Variants in GPC6 observed in about 807,000 individuals in gnomAD.
GPC6 encodes the protein glypican-6.
GPC6 carries 14 observed loss-of-function variants against 55.2 expected under a neutral mutation model. The ratio of observed to expected loss-of-function variants is 0.25; its 90% confidence interval spans 0.17 to 0.40. The LOEUF (loss-of-function observed/expected upper bound fraction) is 0.40, where lower values mean the gene tolerates loss of function less well. Ranked by LOEUF, GPC6 falls within the 10% of genes least tolerant of loss-of-function variation. The probability of loss-of-function intolerance (pLI) is 1.00; values close to 1 mark genes in which losing one functional copy is unlikely to be tolerated. For synonymous variants in GPC6, 278 were observed against 259.6 expected (o/e 1.07, Z -0.68); for missense variants, 641 against 708.5 (o/e 0.90, Z 1.08).
intron 1 of GPC6, among the ~76,000 whole-genome samples, chr13:93,386,175 T>C (rs1169699324): frequency 6.6e-5 from 10 of 150,606 alleles, no homozygotes; most frequent in Admixed American, 1.3e-4. Context: ...CTCTGTAATT[T>C]TGAGGGCAAG....
chr13:94,031,613 C>T (rs1024916455), intron 4 of GPC6, among the ~76,000 whole-genome samples: 9 of 152,208 alleles, frequency 5.9e-5, no homozygotes, highest in African/African-American at 2.2e-4. Flanking sequence ...CCAGGTATTG[C>T]CGTATTTTCA....
At chr13:93,724,930 G>A (rs1291126035) in intron 2 of GPC6, among the ~76,000 whole-genome samples, 1 of 151,944 alleles carries the variant, frequency 6.6e-6, no homozygotes, top group East Asian at 1.9e-4. Flanking sequence ...TGCACTCATG[G>A]ATTTAAGGTG....
intron 6 of GPC6, among the ~76,000 whole-genome samples, chr13:94,369,516 G>C (rs888391767): frequency 7.9e-5 from 12 of 152,230 alleles, no homozygotes. Context: ...CACCTCCTTA[G>C]AAAACCAAAG....
At chr13:94,180,223 C>G (rs773545220) in intron 4 of GPC6, among the ~76,000 whole-genome samples, 1 of 152,082 alleles carries the variant, frequency 6.6e-6, no homozygotes, top group East Asian at 1.9e-4. Context: ...ATCCTATGAC[C>G]GTGACATTGG....
chr13:94,099,484 C>G lies in GPC6; in HGVS notation c.877+71590C>G, dbSNP rs543094356. ...ATAGGAGACTCTATTTGCAAATGAA[C>G]AAATAGGCAATAAGCTAATCCCCCA... is the stretch of plus-strand genomic sequence containing the variant. On this transcript the variant is annotated intron_variant, in intron 4 of 8. Transcript: ENST00000377047. 2.0e-5 allele frequency among the ~76,000 whole-genome samples: 3 copies of G among 152,148 alleles called. No individual in the cohort carries two copies. The East Asian group carries it at 5.8e-4, about 29-fold the overall frequency.
At chr13:93,555,540 A>G (rs757036504) in intron 2 of GPC6, among the ~76,000 whole-genome samples, 8 of 152,204 alleles carry the variant, frequency 5.3e-5, no homozygotes, top group Non-Finnish European at 7.3e-5. Context: ...CTTAGGGTCC[A>G]TAAACCTGGA....
At chr13:94,356,739 T>C (rs1293817112) in intron 6 of GPC6, among the ~76,000 whole-genome samples, 1 of 151,974 alleles carries the variant, frequency 6.6e-6, no homozygotes, top group Non-Finnish European at 1.5e-5. Context: ...TAGAGCCTAA[T>C]TAAAATGAAA....
intron 1 of GPC6, among the ~76,000 whole-genome samples, chr13:93,532,520 A>G (rs549360934): frequency 1.3e-5 from 2 of 152,310 alleles, no homozygotes; most frequent in African/African-American, 4.8e-5. Context: ...TGATTTTATA[A>G]CATACCAAGG....
At chr13:93,884,517 T>G (rs1330918550) in intron 3 of GPC6, among the ~76,000 whole-genome samples, 1 of 152,112 alleles carries the variant, frequency 6.6e-6, no homozygotes. Flanking sequence ...TTACTGAAGA[T>G]TTTGCATTCA....
At chr13:94,161,131 A>C (rs1156922781) in intron 4 of GPC6, among the ~76,000 whole-genome samples, 1 of 152,146 alleles carries the variant, frequency 6.6e-6, no homozygotes, top group African/African-American at 2.4e-5. Context: ...ATTAAATGCA[A>C]ATATTCTCAC....
chr13:94,005,042 G>A (rs890366561), intron 3 of GPC6, among the ~76,000 whole-genome samples: 4 of 152,200 alleles, frequency 2.6e-5, no homozygotes, highest in Admixed American at 6.5e-5. Flanking sequence ...CTCCAGCCTG[G>A]GCAACAGAGG....
intron 4 of GPC6, among the ~76,000 whole-genome samples, chr13:94,283,540 G>C (rs1464896469): frequency 1.3e-5 from 2 of 152,210 alleles, no homozygotes; most frequent in Non-Finnish European, 2.9e-5. Flanking sequence ...GGGCACCTGT[G>C]GTGGAGCAGC....
intron 1 of GPC6, among the ~76,000 whole-genome samples, chr13:93,355,571 T>C (rs1415761951): frequency 6.6e-6 from 1 of 152,180 alleles, no homozygotes. Context: ...GTTTGGGATA[T>C]GGATAGGCAG....
At chr13:93,510,465 G>T (rs904511330) in intron 1 of GPC6, among the ~76,000 whole-genome samples, 1 of 152,014 alleles carries the variant, frequency 6.6e-6, no homozygotes, top group African/African-American at 2.4e-5. Flanking sequence ...ATGACCTTAA[G>T]TTCCATCCAT....
At chr13:93,987,737 A>C (rs1881096248) in intron 3 of GPC6, among the ~76,000 whole-genome samples, 3 of 152,094 alleles carry the variant, frequency 2.0e-5, no homozygotes, top group Admixed American at 2.0e-4. Flanking sequence ...CTTCCTAATC[A>C]TCTGTTTGAA....
chr13:93,673,587 A>C (rs1461379756), intron 2 of GPC6, among the ~76,000 whole-genome samples: 1 of 152,056 alleles, frequency 6.6e-6, no homozygotes, highest in East Asian at 1.9e-4. Context: ...GAAGTGACTT[A>C]ATGATCACCT....
chr13:94,040,184 A>G (rs1310675428), intron 4 of GPC6, among the ~76,000 whole-genome samples: 2 of 151,834 alleles, frequency 1.3e-5, no homozygotes, highest in Non-Finnish European at 2.9e-5. Context: ...AAGCTGAAGC[A>G]TGAAAGTTGT....
chr13:94,149,239 CAA>C (rs1887657110), intron 4 of GPC6, among the ~76,000 whole-genome samples: 1 of 151,942 alleles, frequency 6.6e-6, no homozygotes, highest in Non-Finnish European at 1.5e-5. Flanking sequence ...ACAAAATGAA[CAA>C]AGAGAGCCCC....
intron 2 of GPC6, among the ~76,000 whole-genome samples, chr13:93,791,705 C>G (rs1183745280): frequency 6.6e-6 from 1 of 152,068 alleles, no homozygotes; most frequent in African/African-American, 2.4e-5. Context: ...ATAAAAGCCA[C>G]TGCTGACACA....
Sources: allele counts gnomAD v4.1 joint callset (sites outside exome capture counted in the v4.1 genomes callset), GRCh38; gene constraint gnomAD v4.1.1; transcripts MANE v1.5; gene names NCBI Gene and HGNC (gene_info 2026-07-23, HGNC 2026-07-21).